Variants in MECOM observed in about 807,000 individuals in gnomAD.
MECOM encodes MDS1 and EVI1 complex locus, also known as histone-lysine N-methyltransferase MECOM.
Under a neutral mutation model 116.3 loss-of-function variants are expected in MECOM, and 13 were observed. That is an observed-to-expected ratio of 0.11 (90% CI 0.07 to 0.18). MECOM has a LOEUF of 0.18. MECOM is among the 10% of genes least tolerant of loss of function. The pLI is 1.00. For synonymous variants in MECOM, 528 were observed against 535.2 expected (o/e 0.99, Z 0.19); for missense variants, 1,299 against 1,509.0 (o/e 0.86, Z 2.31).
intron 2 of MECOM, among the ~76,000 whole-genome samples, chr3:169,196,629 G>T (rs1748441155): frequency 6.6e-6 from 1 of 151,976 alleles, no homozygotes; most frequent in Non-Finnish European, 1.5e-5. Flanking sequence ...TAAAAATAGA[G>T]TTCTAAATGG....
rs1371132346 is a variant in MECOM at position 169,485,954 on chromosome 3, TAC to T, written c.38-104432_38-104431del. Reference sequence around the variant, plus strand: ...TATAGTATATATGTATGTATATATGTACATATATACTATATATACATATATAT... The same window carrying T: ...TATAGTATATATGTATGTATATATGTATATATACTATATATACATATATAT... On this transcript the variant is annotated intron_variant, in intron 1 of 16. Transcript: ENST00000651503. Among the ~76,000 whole-genome samples, 502 of 97,330 alleles carry T rather than the reference TAC, an allele frequency of 5.2e-3. 5 individuals are homozygous for T. Among genetic ancestry groups the T allele is most frequent in the African/African-American group, 0.018 (404 of 21,986 alleles). The allele number at this position is 97,330 out of a possible 152,430, so 63.9% of individuals were successfully genotyped here.
intron 1 of MECOM, among the ~76,000 whole-genome samples, chr3:169,545,187 CTGTTTTGTT>C (rs1417925767): frequency 3.3e-5 from 5 of 152,176 alleles, no homozygotes; most frequent in African/African-American, 1.2e-4. Flanking sequence ...TTTTTGTTTT[CTGTTTTGTT>C]TGTTTTGTTT....
At chr3:169,144,581 T>G (rs981802633) in intron 2 of MECOM, among the ~76,000 whole-genome samples, 14 of 152,162 alleles carry the variant, frequency 9.2e-5, no homozygotes, top group African/African-American at 3.1e-4. Context: ...TCATGAAATT[T>G]TACATTTGGC....
intron 1 of MECOM, among the ~76,000 whole-genome samples, chr3:169,481,107 A>C (rs1751218607): frequency 6.6e-6 from 1 of 152,222 alleles, no homozygotes; most frequent in Admixed American, 6.5e-5. Context: ...TCATCACCCC[A>C]GGATGACAGA....
At chr3:169,474,483 G>A (rs536951850) in intron 1 of MECOM, among the ~76,000 whole-genome samples, 108 of 152,184 alleles carry the variant, frequency 7.1e-4, no homozygotes, top group Non-Finnish European at 1.1e-3. Flanking sequence ...TGATGGGACA[G>A]TTTTATTGCA....
chr3:169,278,961 C>G (rs1759948982), intron 2 of MECOM, among the ~76,000 whole-genome samples: 1 of 152,210 alleles, frequency 6.6e-6, no homozygotes, highest in Non-Finnish European at 1.5e-5. Flanking sequence ...TTGCACTGTG[C>G]TCTGGCCTAG....
intron 1 of MECOM, among the ~76,000 whole-genome samples, chr3:169,446,267 A>G (rs1000894000): frequency 2.0e-5 from 3 of 152,006 alleles, no homozygotes. Context: ...TGTGGGAGGG[A>G]ACCAGGGGGA....
At chr3:169,297,600 T>A (rs966992620) in intron 2 of MECOM, among the ~76,000 whole-genome samples, 4 of 152,098 alleles carry the variant, frequency 2.6e-5, no homozygotes, top group Admixed American at 6.5e-5. Context: ...GCTTGAGGTA[T>A]CTCTTCTGAC....
chr3:169,306,023 T>C (rs1043850313), intron 2 of MECOM, among the ~76,000 whole-genome samples: 6 of 152,204 alleles, frequency 3.9e-5, no homozygotes, highest in African/African-American at 1.4e-4. Context: ...TTTATAAGTA[T>C]ATCTAGGTAC....
At chr3:169,276,543 A>G (rs956770007) in intron 2 of MECOM, among the ~76,000 whole-genome samples, 2 of 139,032 alleles carry the variant, frequency 1.4e-5, no homozygotes, top group African/African-American at 5.5e-5. Context: ...ACAGACCCAG[A>G]CTCTGCCTCA....
At chr3:169,600,912 C>T (rs1016562558) in intron 1 of MECOM, among the ~76,000 whole-genome samples, 11 of 152,296 alleles carry the variant, frequency 7.2e-5, no homozygotes, top group Non-Finnish European at 1.3e-4. Flanking sequence ...CTCCACAGGA[C>T]TTCCGTTTTA....
intron 1 of MECOM, among the ~76,000 whole-genome samples, chr3:169,428,196 C>T (rs2108538949): frequency 6.6e-6 from 1 of 152,256 alleles, no homozygotes; most frequent in Non-Finnish European, 1.5e-5. Context: ...TCTTGGACTT[C>T]CAGACTTCAG....
intron 2 of MECOM, among the ~76,000 whole-genome samples, chr3:169,368,239 G>A (rs62294294): frequency 0.048 from 7,298 of 152,008 alleles, 178 homozygotes; most frequent in Non-Finnish European, 0.059. Context: ...CATCATGAAA[G>A]ACCAAAAGAG....
intron 1 of MECOM, among the ~76,000 whole-genome samples, chr3:169,542,788 C>T (rs1760251605): frequency 6.6e-6 from 1 of 152,194 alleles, no homozygotes; most frequent in Non-Finnish European, 1.5e-5. Flanking sequence ...CTGCTGCATC[C>T]ACCCAATATT....
At chr3:169,439,727 G>T (rs138285992) in intron 1 of MECOM, among the ~76,000 whole-genome samples, 1 of 152,150 alleles carries the variant, frequency 6.6e-6, no homozygotes, top group South Asian at 2.1e-4. Context: ...AGTCTTGTAC[G>T]TACATACTAG....
chr3:169,121,422 C>T (rs1730991292), intron 6 of MECOM, among the ~76,000 whole-genome samples: 1 of 152,122 alleles, frequency 6.6e-6, no homozygotes, highest in African/African-American at 2.4e-5. Context: ...CATGGTGTAT[C>T]CACTGGTATC....
intron 1 of MECOM, among the ~76,000 whole-genome samples, chr3:169,440,227 C>A (rs6798081): frequency 0.043 from 6,473 of 151,674 alleles, 353 homozygotes; most frequent in African/African-American, 0.13. Flanking sequence ...TATATATATT[C>A]TTTTCAATAT....
At chr3:169,177,002 T>G (rs2149385855) in intron 2 of MECOM, among the ~76,000 whole-genome samples, 1 of 152,256 alleles carries the variant, frequency 6.6e-6, no homozygotes, top group South Asian at 2.1e-4. Context: ...ATAGAAACGC[T>G]TTTACACTGT....
rs369684748 is a variant in MECOM, at chr3:169,645,309, T to C, written c.37+18027A>G. On this transcript the variant is annotated intron_variant, in intron 1 of 16. Transcript: ENST00000651503. ...TGAGTAGACAGATGTATTTTTTTTTTCTGGTTTCCCTGCACACCTTCTGTA... is the reference window on the plus strand; with the variant it reads ...TGAGTAGACAGATGTATTTTTTTTTCCTGGTTTCCCTGCACACCTTCTGTA... Among the ~76,000 whole-genome samples, 21 of 149,464 alleles carry C rather than the reference T, an allele frequency of 1.4e-4. 4 individuals carry two copies. The highest frequency in any genetic ancestry group is 6.7e-4 in the Admixed American group (10 of 15,024).
Sources: allele counts gnomAD v4.1 joint callset (sites outside exome capture counted in the v4.1 genomes callset), GRCh38; gene constraint gnomAD v4.1.1; transcripts MANE v1.5; gene names NCBI Gene and HGNC (gene_info 2026-07-23, HGNC 2026-07-21).